Variants in MAN2A1 observed in about 807,000 individuals in gnomAD.
The protein encoded by MAN2A1 is mannosidase alpha class 2A member 1.
A neutral mutation model predicts 142.6 loss-of-function variants in MAN2A1; 76 were observed. That is an observed-to-expected ratio of 0.53 (90% CI 0.44 to 0.65). MAN2A1 has a LOEUF of 0.65. MAN2A1 is among the 30% of genes least tolerant of loss of function. The pLI, the probability that MAN2A1 is intolerant of heterozygous loss-of-function variation, is 0.00. For missense variants in MAN2A1, 1,311 were observed against 1,365.1 expected, an observed-to-expected ratio of 0.96 and a Z score of 0.62; for synonymous variants, 559 against 473.2, an observed-to-expected ratio of 1.18 and a Z score of -2.35.
intron 8 of MAN2A1, among the ~76,000 whole-genome samples, chr5:109,777,024 C>G (rs1348405757): frequency 6.6e-6 from 1 of 151,998 alleles, no homozygotes; most frequent in Admixed American, 6.6e-5. Flanking sequence ...GGATTGTTCC[C>G]AGTTTTTGTC....
intron 4 of MAN2A1, among the ~76,000 whole-genome samples, chr5:109,735,852 A>G (rs1254344039): frequency 1.4e-5 from 2 of 141,794 alleles, no homozygotes; most frequent in African/African-American, 2.6e-5. Context: ...TTTGGGGAGA[A>G]TTGACTTTTT....
chr5:109,690,191 G>A lies in MAN2A1; in HGVS notation c.-227G>A. ...GTTGCCGGCGAGTCTCGCCTCGAGA[G>A]GGGCGCCCGACCCCGGGGAGGGCGG... is the stretch of plus-strand genomic sequence containing the variant. On this transcript the variant is annotated 5_prime_UTR_variant, in exon 1 of 22. Transcript: ENST00000261483. 1 of 511,642 alleles carries A rather than the reference G, an allele frequency of 2.0e-6. No individual in the cohort carries two copies. The highest frequency in any genetic ancestry group is 3.2e-5 in the Admixed American group (1 of 31,244). 31.7% of individuals were successfully genotyped at this position (511,642 alleles called of 1,614,324 possible). A position where few individuals can be genotyped will look rare whatever the true frequency, so the allele number is the denominator to read the frequency against.
intron 4 of MAN2A1, among the ~76,000 whole-genome samples, chr5:109,735,124 T>A (rs1399812821): frequency 6.6e-6 from 1 of 152,182 alleles, no homozygotes; most frequent in Non-Finnish European, 1.5e-5. Flanking sequence ...TACCATTAAG[T>A]AATGGCCTTC....
At chr5:109,800,964 G>C (rs1490080485) in intron 12 of MAN2A1, among the ~76,000 whole-genome samples, 1 of 152,124 alleles carries the variant, frequency 6.6e-6, no homozygotes, top group African/African-American at 2.4e-5. Context: ...GAATCATCTC[G>C]CATTCATTGT....
At chr5:109,862,328 G>A (rs2112444952) in intron 20 of MAN2A1, 1 of 152,308 alleles carries the variant, frequency 6.6e-6, no homozygotes, top group African/African-American at 2.4e-5. Context: ...GAGCCTCAGA[G>A]GCCCAGCTTA....
intron 5 of MAN2A1, among the ~76,000 whole-genome samples, chr5:109,764,184 T>G (rs181637551): frequency 6.6e-6 from 1 of 152,290 alleles, no homozygotes; most frequent in Admixed American, 6.5e-5. Flanking sequence ...CCTCTTAAAC[T>G]ATAGTATTAA....
chr5:109,832,161 C>CTTTTTTTTTTTTTT (rs70999945), intron 16 of MAN2A1, among the ~76,000 whole-genome samples: 100 of 51,172 alleles, frequency 2.0e-3, no homozygotes, highest in Non-Finnish European at 2.5e-3. Flanking sequence ...AAGGAGTTTT[C>CTTTTTTTTTTTTTT]TTTTTTTTTT....
chr5:109,709,462 G>A (rs1227378510), intron 1 of MAN2A1, among the ~76,000 whole-genome samples: 1 of 152,156 alleles, frequency 6.6e-6, no homozygotes, highest in Non-Finnish European at 1.5e-5. Flanking sequence ...AGAAGGAAAG[G>A]CACACAGTTT....
chr5:109,749,902 C>G (rs2112619408), intron 4 of MAN2A1, among the ~76,000 whole-genome samples: 1 of 152,020 alleles, frequency 6.6e-6, no homozygotes, highest in South Asian at 2.1e-4. Context: ...GGGTATTTCT[C>G]ATTACTTTTA....
At chr5:109,701,533 A>G (rs1582801284) in intron 1 of MAN2A1, among the ~76,000 whole-genome samples, 1 of 152,172 alleles carries the variant, frequency 6.6e-6, no homozygotes, top group African/African-American at 2.4e-5. Context: ...AAGCAGTGTG[A>G]GAGAATTAAT....
At chr5:109,781,998 G>T (rs1753471925) in intron 9 of MAN2A1, among the ~76,000 whole-genome samples, 1 of 152,052 alleles carries the variant, frequency 6.6e-6, no homozygotes, top group Admixed American at 6.6e-5. Flanking sequence ...AAGGAAATAG[G>T]GCCTCCCAGC....
At chr5:109,862,664 G>A (rs1206662097) in intron 20 of MAN2A1, 1 of 152,156 alleles carries the variant, frequency 6.6e-6, no homozygotes, top group East Asian at 1.9e-4. Flanking sequence ...GCATATTCAA[G>A]TTAAATTCAC....
In MAN2A1 at chr5:109,868,602, C is replaced by T. The variant is rs1417849883; in HGVS notation, c.*1604C>T. On this transcript the variant is annotated 3_prime_UTR_variant, in exon 22 of 22. Transcript: ENST00000261483. ...ATCTGGATTTTCACTCAAGATGCAG[C>T]TCCTAAGATTATTGTTATGTTAAAT... is the stretch of plus-strand genomic sequence containing the variant. The T allele has an allele frequency of 1.3e-5, 2 of 152,182 alleles. No individual in the cohort carries two copies. The highest frequency in any genetic ancestry group is 1.3e-4 in the Admixed American group (2 of 15,282). The allele number at this position is 152,182 out of a possible 1,614,324, so 9.4% of individuals were successfully genotyped here. A position where few individuals can be genotyped will look rare whatever the true frequency, so the allele number is the denominator to read the frequency against.
At chr5:109,746,817 A>T (rs1037490357) in intron 4 of MAN2A1, among the ~76,000 whole-genome samples, 2 of 152,064 alleles carry the variant, frequency 1.3e-5, no homozygotes, top group Non-Finnish European at 1.5e-5. Context: ...TGTCTCTACA[A>T]GTTTGACTAC....
intron 12 of MAN2A1, among the ~76,000 whole-genome samples, chr5:109,808,186 G>A (rs1278449546): frequency 2.0e-5 from 3 of 152,098 alleles, no homozygotes; most frequent in African/African-American, 7.2e-5. Context: ...GTATATCTGT[G>A]TCTTTATTAC....
intron 1 of MAN2A1, among the ~76,000 whole-genome samples, chr5:109,696,143 C>T (rs1389694113): frequency 6.6e-6 from 1 of 151,752 alleles, no homozygotes; most frequent in African/African-American, 2.4e-5. Flanking sequence ...ACTATGTTGG[C>T]AGACTGGAGT....
At chr5:109,795,061 C>G (rs1051020231) in intron 12 of MAN2A1, among the ~76,000 whole-genome samples, 4 of 152,026 alleles carry the variant, frequency 2.6e-5, no homozygotes, top group Admixed American at 2.0e-4. Context: ...CTGCAAGATG[C>G]TACGTTAGTT....
At chr5:109,712,414 T>C (rs937682983) in intron 1 of MAN2A1, among the ~76,000 whole-genome samples, 2 of 152,200 alleles carry the variant, frequency 1.3e-5, no homozygotes, top group Admixed American at 1.3e-4. Context: ...TTTAAAACAA[T>C]TTATATTTCT....
At chr5:109,733,288 T>A (rs1751975649) in intron 4 of MAN2A1, among the ~76,000 whole-genome samples, 1 of 152,222 alleles carries the variant, frequency 6.6e-6, no homozygotes, top group South Asian at 2.1e-4. Context: ...TTTCTAGATA[T>A]ACAATCATGT....
Sources: allele counts gnomAD v4.1 joint callset (sites outside exome capture counted in the v4.1 genomes callset), GRCh38; gene constraint gnomAD v4.1.1; transcripts MANE v1.5; gene names NCBI Gene and HGNC (gene_info 2026-07-23, HGNC 2026-07-21).